CHD4: variants seen among roughly 807,000 people sequenced by gnomAD.
CHD4 encodes ATP-dependent chromatin remodeler CHD4.
A neutral mutation model predicts 235.5 loss-of-function variants in CHD4; 35 were observed. The observed-to-expected ratio is 0.15, with a 90% CI of 0.11 to 0.20. CHD4 has a LOEUF of 0.20. CHD4 is among the 10% of genes least tolerant of loss of function. The pLI is 1.00. For synonymous variants in CHD4, 900 were observed against 850.2 expected (o/e 1.06, Z -1.02); for missense variants, 1,329 against 2,432.3 (o/e 0.55, Z 9.54).
chr12:6,579,751 A>C (rs1211279827), intron 33 of CHD4, among the ~76,000 whole-genome samples: 1 of 92,116 alleles, frequency 1.1e-5, no homozygotes, highest in South Asian at 3.6e-4. Context: ...ACTCCGTCTC[A>C]AAAAAAAAAA....
chr12:6,599,295 G>C (rs1395771257), intron 10 of CHD4, among the ~76,000 whole-genome samples: 1 of 151,890 alleles, frequency 6.6e-6, no homozygotes, highest in Non-Finnish European at 1.5e-5. Context: ...TAATTAGCTG[G>C]ATGTGGTGGC....
In CHD4 at chr12:6,598,113, G is replaced by A. The variant is rs191516710; in HGVS notation, c.1687-14C>T. The A allele has an allele frequency of 2.5e-5, 41 of 1,613,992 alleles. No individual in the cohort carries two copies. The African/African-American group carries it at 4.4e-4, about 17-fold the overall frequency. ...GTGCAGCTCCAGCTTTGAGCGGAAA[G>A]AGAAAATCAGCCACCAAGAAGCTGT... On this transcript the variant is annotated splice_polypyrimidine_tract_variant and intron_variant, in intron 11 of 39. Transcript: ENST00000544040.
Position 6,591,470 on chromosome 12 carries a change from G to A in CHD4, c.3336C>T (p.Phe1112=). Residue 1112 remains phenylalanine (F), a synonymous_variant, in exon 22 of 40, where the codon TTC becomes TTT. Coordinates refer to ENST00000544040, the MANE Select transcript of CHD4 (RefSeq NM_001273.5). ...AAACAACTCCTTCTCTCTCACCATT[G>A]AAGCGGTCAATGGCCTCTTGCCGCA... The part of the protein sequence containing the change: ...GNMRQEAIDR[F]NAPGAQQFCF... 1 of 1,613,122 alleles carries A rather than the reference G, an allele frequency of 6.2e-7. No homozygotes were observed. Among genetic ancestry groups the A allele is most frequent in the Non-Finnish European group, 8.5e-7 (1 of 1,179,170 alleles).
chr12:6,592,572 G>C lies in CHD4; in HGVS notation c.2775-6C>G. ...CCAAAAAACCTTCCAAATTGCTTCA[G>C]AAAGAAAAAGGAAAAAAGTTATTGG... On this transcript the variant is annotated splice_polypyrimidine_tract_variant and splice_region_variant and intron_variant, in intron 18 of 39. Coordinates refer to ENST00000544040, the MANE Select transcript of CHD4 (RefSeq NM_001273.5). 1 of 1,579,738 alleles carries C rather than the reference G, an allele frequency of 6.3e-7. No individual in the cohort carries two copies. Among genetic ancestry groups the C allele is most frequent in the Non-Finnish European group, 8.6e-7 (1 of 1,159,772 alleles).
At chr12:6,601,258 C>T (rs1418588775) in intron 6 of CHD4, 31 bp downstream of exon 6, 3 of 1,606,110 alleles carry the variant, frequency 1.9e-6, no homozygotes, top group Non-Finnish European at 2.6e-6. Flanking sequence ...CCACACTAGA[C>T]ACCCCCACTC....
intron 37 of CHD4, 35 bp downstream of exon 37, chr12:6,577,750 T>G: frequency 6.2e-7 from 1 of 1,611,378 alleles, no homozygotes; most frequent in Non-Finnish European, 8.5e-7. Flanking sequence ...TTCAAGTTTG[T>G]CACTTAAGCA....
rs759250013 is a variant in CHD4, at chr12:6,578,524, CTCT to C, written c.5001_5003del (p.Glu1668del). On this transcript the variant is annotated inframe_deletion, in exon 35 of 40. Coordinates refer to ENST00000544040, the MANE Select transcript of CHD4 (RefSeq NM_001273.5). ...CATTCTGAAGCATCACCTCTTTTTTCTCTTCTTCTTCTTTCTTCTCTTCTACAG... is the reference window on the plus strand; with the variant it reads ...CATTCTGAAGCATCACCTCTTTTTTCTCTTCTTCTTTCTTCTCTTCTACAG... The C allele has an allele frequency of 6.6e-5, 107 of 1,610,836 alleles. No individual in the cohort carries two copies. The highest frequency in any genetic ancestry group is 1.7e-4 in the Admixed American group (10 of 59,246).
At chr12:6,594,751 G>T in intron 14 of CHD4, 101 bp from the exon 15 acceptor site, 2 of 1,096,760 alleles carry the variant, frequency 1.8e-6, no homozygotes, top group South Asian at 1.6e-5. Flanking sequence ...GATCCTCTTG[G>T]GGAAGAGCTC....
chr12:6,585,821 G>A (rs1199116953), intron 25 of CHD4, among the ~76,000 whole-genome samples: 1 of 150,560 alleles, frequency 6.6e-6, no homozygotes, highest in East Asian at 2.0e-4. Context: ...AAAGAGGCCA[G>A]GCGTAATGGC....
intron 17 of CHD4, 29 bp from the exon 18 acceptor site, chr12:6,592,846 T>C: frequency 6.3e-7 from 1 of 1,599,660 alleles, no homozygotes; most frequent in Non-Finnish European, 8.5e-7. Flanking sequence ...AAAGGTGAAA[T>C]CCAATGAAAA....
At position 6,588,228 on chromosome 12, in the gene CHD4, C is replaced by G. The variant is rs962931122; in HGVS notation, c.3465+70G>C. On this transcript the variant is annotated intron_variant, in intron 23 of 39. Transcript: ENST00000544040. ...AAACCTAATTCCAGATGGTGGAGCC[C>G]TCATAGAGGCCACTATGCCTTTCTA... 3 of 1,565,930 alleles carry G rather than the reference C, an allele frequency of 1.9e-6. No homozygotes were observed. In the African/African-American group the frequency reaches 4.1e-5, roughly 21 times the overall value.
At chr12:6,581,541 T>A (rs1429587275) in intron 31 of CHD4, 108 bp downstream of exon 31, 1 of 1,558,414 alleles carries the variant, frequency 6.4e-7, no homozygotes, top group African/African-American at 1.4e-5. Context: ...GAGAGGGAAT[T>A]GCTGTGTGTC....
At chr12:6,603,392 C>T (rs1403135502) in intron 2 of CHD4, among the ~76,000 whole-genome samples, 2 of 152,140 alleles carry the variant, frequency 1.3e-5, no homozygotes, top group Admixed American at 6.6e-5. Flanking sequence ...AAGCCACCCC[C>T]GCCCAAAGGG....
intron 37 of CHD4, among the ~76,000 whole-genome samples, chr12:6,573,915 TC>T (rs1948022351): frequency 1.4e-5 from 2 of 139,152 alleles, no homozygotes; most frequent in African/African-American, 6.2e-5. Context: ...CTGCAGCTAC[TC>T]AAGAGGTTGA....
chr12:6,582,924 G>A lies in CHD4; in HGVS notation c.4160C>T (p.Pro1387Leu). ...ATCATTCCGCAGGCCCTTACGACTGGGCCTACGGGGAGCTGCAAGAAGAAA... is the reference window on the plus strand; with the variant it reads ...ATCATTCCGCAGGCCCTTACGACTGAGCCTACGGGGAGCTGCAAGAAGAAA... ...FDERSEAPRR[P>L]SRKGLRNDKD... The change falls in exon 28 of 40, where the codon CCC becomes CTC. Residue 1387 changes from proline to leucine, a missense_variant. Transcript: ENST00000544040. 1 of 1,613,674 alleles carries A rather than the reference G, an allele frequency of 6.2e-7. No individual in the cohort carries two copies. Among genetic ancestry groups the A allele is most frequent in the Non-Finnish European group, 8.5e-7 (1 of 1,179,902 alleles).
At chr12:6,572,706 C>T (rs556386962) in intron 38 of CHD4, among the ~76,000 whole-genome samples, 15 of 152,206 alleles carry the variant, frequency 9.9e-5, no homozygotes, top group African/African-American at 3.4e-4. Context: ...TATAAGCGTG[C>T]GTTGCGCCAC....
chr12:6,584,373 A>G (rs1474967424), intron 25 of CHD4: 4 of 152,220 alleles, frequency 2.6e-5, no homozygotes, highest in African/African-American at 9.6e-5. Flanking sequence ...GACAGGAGAG[A>G]AAAGAGATAC....
In CHD4 at chr12:6,596,477, C is replaced by T. The variant is rs553306720; in HGVS notation, c.1893-340G>A. 4.0e-5 allele frequency among the ~76,000 whole-genome samples: 6 copies of T among 148,646 alleles called. No individual in the cohort carries two copies. The South Asian group carries it at 1.1e-3, about 26-fold the overall frequency. Reference sequence around the variant, plus strand: ...CCAGCCAGGCCAACATGGCGAAACCCGTCTCTACTAAAAAAAAAAAAAAAA... The same window carrying T: ...CCAGCCAGGCCAACATGGCGAAACCTGTCTCTACTAAAAAAAAAAAAAAAA... On this transcript the variant is annotated intron_variant, in intron 12 of 39. Coordinates refer to ENST00000544040, the MANE Select transcript of CHD4 (RefSeq NM_001273.5).
intron 25 of CHD4, among the ~76,000 whole-genome samples, chr12:6,585,528 C>T (rs1036893761): frequency 2.0e-5 from 3 of 151,924 alleles, no homozygotes; most frequent in Non-Finnish European, 4.4e-5. Flanking sequence ...GTGATCCACC[C>T]GCCTTGGCCT....
Sources: allele counts gnomAD v4.1 joint callset (sites outside exome capture counted in the v4.1 genomes callset), GRCh38; gene constraint gnomAD v4.1.1; transcripts MANE v1.5; gene names NCBI Gene and HGNC (gene_info 2026-07-23, HGNC 2026-07-21).